DMP1: variants seen among roughly 807,000 people sequenced by gnomAD.
The protein encoded by DMP1 is dentin matrix acidic phosphoprotein 1.
Under a neutral mutation model 14.6 loss-of-function variants are expected in DMP1, and 20 were observed. That is an observed-to-expected ratio of 1.37 (90% CI 0.96 to 1.99). The LOEUF is 1.99. Ranked by LOEUF, DMP1 falls within the 30% of genes most tolerant of loss-of-function variation. The probability of loss-of-function intolerance (pLI) is 0.00; values close to 1 mark genes in which losing one functional copy is unlikely to be tolerated. For synonymous variants in DMP1, 197 were observed against 215.3 expected (o/e 0.91, Z 0.75); for missense variants, 567 against 620.5 (o/e 0.91, Z 0.92).
At chr4:87,655,161 A>G (rs1462148576) in intron 1 of DMP1, among the ~76,000 whole-genome samples, 1 of 152,226 alleles carries the variant, frequency 6.6e-6, no homozygotes, top group Admixed American at 6.5e-5. Flanking sequence ...AAACAAATCG[A>G]CAAACGTGAA....
chr4:87,662,608 A>G lies in DMP1; in HGVS notation c.830A>G (p.Asp277Gly). The G allele has an allele frequency of 6.2e-7, 1 of 1,614,192 alleles. No individual in the cohort carries two copies. The highest frequency in any genetic ancestry group is 8.5e-7 in the Non-Finnish European group (1 of 1,180,040). The change falls in exon 6 of 6, where the codon GAT becomes GGT. Residue 277 changes from aspartate (D) to glycine (G), a missense_variant. By Grantham distance (94) the Asp-to-Gly change is moderately conservative (BLOSUM62 -1). Coordinates refer to ENST00000339673, the MANE Select transcript of DMP1 (RefSeq NM_004407.4). Reference sequence around the variant, plus strand: ...AGGAAGTCTCGCATCTCAGAGGAAGATGACAGAAGCGAGCTTGATGACAAC... The same window carrying G: ...AGGAAGTCTCGCATCTCAGAGGAAGGTGACAGAAGCGAGCTTGATGACAAC... ...IFRKSRISEE[D>G]DRSELDDNNT...
chr4:87,664,190 T>C lies in DMP1; in HGVS notation c.*870T>C, dbSNP rs1330073769. Reference sequence around the variant, plus strand: ...TTTACGTAGATACTTTTTAGCTTTATTTTTTCTAAAATCAGTTTGCGTGCA... The same window carrying C: ...TTTACGTAGATACTTTTTAGCTTTACTTTTTCTAAAATCAGTTTGCGTGCA... On this transcript the variant is annotated 3_prime_UTR_variant, in exon 6 of 6. Transcript: ENST00000339673. The C allele has an allele frequency of 2.6e-5, 4 of 152,576 alleles. No homozygotes were observed. 9.5% of individuals were successfully genotyped at this position (152,576 alleles called of 1,614,324 possible). A position where few individuals can be genotyped will look rare whatever the true frequency, so the allele number is the denominator to read the frequency against.
At chr4:87,660,883 G>A (rs1728841076) in intron 5 of DMP1, 1 of 151,986 alleles carries the variant, frequency 6.6e-6, no homozygotes, top group African/African-American at 2.4e-5. Flanking sequence ...TTATCCTCTG[G>A]TCCTAGTACA....
Position 87,656,545 on chromosome 4 carries a change from CAGTA to C in DMP1, c.54+4_54+7del, listed in dbSNP as rs1728701337. 1 of 1,602,612 alleles carries C rather than the reference CAGTA, an allele frequency of 6.2e-7. No individual in the cohort carries two copies. Among genetic ancestry groups the C allele is most frequent in the Middle Eastern group, 1.7e-4 (1 of 6,050 alleles). Reference sequence around the variant, plus strand: ...CTTTGGGGATTATCCTGTGCTCTCCCAGTAAGTATTAGGGTAGGGATATATGAAA... The same window carrying C: ...CTTTGGGGATTATCCTGTGCTCTCCCAGTATTAGGGTAGGGATATATGAAA... On this transcript the variant is annotated splice_donor_variant and splice_donor_region_variant and coding_sequence_variant and intron_variant, in exon 2 of 6. Coordinates refer to ENST00000339673, the MANE Select transcript of DMP1 (RefSeq NM_004407.4). LOFTEE classifies it high-confidence loss of function.
rs770185609 is a variant in DMP1, at chr4:87,662,724, G to T, written c.946G>T (p.Asp316Tyr). The T allele has an allele frequency of 6.2e-7, 1 of 1,614,134 alleles. No homozygotes were observed. The highest frequency in any genetic ancestry group is 1.1e-5 in the South Asian group (1 of 91,064). The change falls in exon 6 of 6, where the codon GAC becomes TAC. Residue 316 changes from aspartate (D) to tyrosine (Y), a missense_variant. Transcript: ENST00000339673. ...CCAACCCAGGAGAGACAGCAAGGGT[G>T]ACTCTCAAGAAGACAGCAAGGAGAA... The part of the protein sequence containing the change: ...LSQPRRDSKG[D>Y]SQEDSKENLS...
Position 87,662,761 on chromosome 4 carries a change from A to G in DMP1, c.983A>G (p.Glu328Gly). ...QEDSKENLSQEESQNVDGPSS... is the reference protein window; with the variant it reads ...QEDSKENLSQGESQNVDGPSS... The stretch of plus-strand genomic sequence containing the variant: ...GACAGCAAGGAGAATCTGTCCCAGG[A>G]AGAGAGCCAAAACGTAGATGGTCCC... Residue 328 changes from glutamate (E) to glycine (G), a missense_variant, in exon 6 of 6, where the codon GAA (glutamate) becomes GGA (glycine). Coordinates refer to ENST00000339673, the MANE Select transcript of DMP1 (RefSeq NM_004407.4). 6.2e-7 allele frequency: 1 copy of G among 1,613,952 alleles called. No homozygotes were observed.
In DMP1 at chr4:87,662,570, T is replaced by A. The variant is rs779258197; in HGVS notation, c.792T>A (p.Ser264Arg). 4 of 1,613,890 alleles carry A rather than the reference T, an allele frequency of 2.5e-6. No individual in the cohort carries two copies. In the East Asian group the frequency reaches 6.7e-5, roughly 27 times the overall value. ...GCAGCCAATTGCTGGAGCATCCCAG[T>A]AGGAAAATTTTTAGGAAGTCTCGCA... is the stretch of plus-strand genomic sequence containing the variant. ...SGGSQLLEHP[S>R]RKIFRKSRIS... Residue 264 changes from serine to arginine, a missense_variant, in exon 6 of 6, where the codon AGT (serine) becomes AGA (arginine). Coordinates refer to ENST00000339673, the MANE Select transcript of DMP1 (RefSeq NM_004407.4).
chr4:87,650,763 C>T (rs555998584), intron 1 of DMP1, among the ~76,000 whole-genome samples: 148 of 151,732 alleles, frequency 9.8e-4, no homozygotes, highest in South Asian at 2.3e-3. Flanking sequence ...TTGCAACCTA[C>T]AAGATTGTGA....
chr4:87,661,844 C>G (rs1011446499), intron 5 of DMP1, 118 bp from the exon 6 acceptor site: 10 of 1,570,770 alleles, frequency 6.4e-6, no homozygotes, highest in South Asian at 2.3e-5. Context: ...TAAAACTGAC[C>G]GTAGATTAGA....
chr4:87,653,410 T>TAG (rs1728585020), intron 1 of DMP1, among the ~76,000 whole-genome samples: 1 of 116,768 alleles, frequency 8.6e-6, no homozygotes, highest in Non-Finnish European at 1.7e-5. Flanking sequence ...TATATATATA[T>TAG]ATATATATAT....
intron 1 of DMP1, among the ~76,000 whole-genome samples, chr4:87,652,911 G>A (rs1207886158): frequency 7.2e-6 from 1 of 138,616 alleles, no homozygotes; most frequent in Non-Finnish European, 1.6e-5. Context: ...GCATTGAAAG[G>A]GTTATTTTGA....
At chr4:87,657,221 A>T (rs930755192) in intron 3 of DMP1, 142 bp downstream of exon 3, 1 of 589,850 alleles carries the variant, frequency 1.7e-6, no homozygotes, top group Non-Finnish European at 3.0e-6. Context: ...CATAGAAGAA[A>T]ATACTGCTGT....
rs1728930418 is a variant in DMP1 at position 87,662,426 on chromosome 4, G to A, written c.648G>A (p.Gln216=). 6.2e-7 allele frequency: 1 copy of A among 1,614,200 alleles called. No homozygotes were observed. Among genetic ancestry groups the A allele is most frequent in the Non-Finnish European group, 8.5e-7 (1 of 1,180,040 alleles). Reference sequence around the variant, plus strand: ...CCGAGTTGGACGATGAGGGAATGCAGAGTGATGACCCAGAGAGCATCAGGA... The same window carrying A: ...CCGAGTTGGACGATGAGGGAATGCAAAGTGATGACCCAGAGAGCATCAGGA... The part of the protein sequence containing the change: ...DGSELDDEGM[Q]SDDPESIRSE... The change falls in exon 6 of 6, where the codon CAG becomes CAA. Residue 216 remains glutamine (Q), a synonymous_variant. Coordinates refer to ENST00000339673, the MANE Select transcript of DMP1 (RefSeq NM_004407.4).
chr4:87,655,524 C>T (rs542620605), intron 1 of DMP1, among the ~76,000 whole-genome samples: 2 of 151,654 alleles, frequency 1.3e-5, no homozygotes, highest in East Asian at 1.9e-4. Flanking sequence ...TATGACTAAA[C>T]GTGTCACAGT....
At position 87,662,972 on chromosome 4, in the gene DMP1, A is replaced by T; in HGVS notation, c.1194A>T (p.Glu398Asp). The T allele has an allele frequency of 6.2e-7, 1 of 1,614,182 alleles. No homozygotes were observed. The highest frequency in any genetic ancestry group is 8.5e-7 in the Non-Finnish European group (1 of 1,180,030). The change falls in exon 6 of 6, where the codon GAA (glutamate) becomes GAT (aspartate). Residue 398 changes from glutamate to aspartate, a missense_variant. Transcript: ENST00000339673. ...SSHTLSHSKS[E>D]SREEQADSES... ...ACACACTCTCCCACTCAAAAAGTGA[A>T]TCCAGAGAGGAGCAAGCAGACAGCG...
At chr4:87,652,600 C>A (rs568546149) in intron 1 of DMP1, among the ~76,000 whole-genome samples, 2 of 152,280 alleles carry the variant, frequency 1.3e-5, no homozygotes, top group East Asian at 3.9e-4. Context: ...GTTAGGGCAT[C>A]TTTCTTGTGT....
At chr4:87,655,885 T>A (rs929058303) in intron 1 of DMP1, among the ~76,000 whole-genome samples, 1 of 152,222 alleles carries the variant, frequency 6.6e-6, no homozygotes, top group Non-Finnish European at 1.5e-5. Context: ...TCATACTTTA[T>A]GTGTTAGCGT....
rs1457349691 is a variant in DMP1, at chr4:87,663,149, A to G, written c.1371A>G (p.Gln457=). The G allele has an allele frequency of 6.2e-7, 1 of 1,614,224 alleles. No homozygotes were observed. Among genetic ancestry groups the G allele is most frequent in the South Asian group, 1.1e-5 (1 of 91,086 alleles). Residue 457 remains glutamine (Q), a synonymous_variant, in exon 6 of 6, where the codon CAA becomes CAG. Coordinates refer to ENST00000339673, the MANE Select transcript of DMP1 (RefSeq NM_004407.4). The part of the protein sequence containing the change: ...SHSEEDDSDS[Q]DSSRSKEDSN... ...CTGAGGAAGACGACAGTGACTCTCA[A>G]GACAGCAGCAGATCCAAAGAAGATA...
Position 87,663,469 on chromosome 4 carries a change from GT to G in DMP1, c.*154del. The G allele has an allele frequency of 8.6e-7, 1 of 1,166,134 alleles. No homozygotes were observed. Among genetic ancestry groups the G allele is most frequent in the Non-Finnish European group, 1.2e-6 (1 of 809,612 alleles). 72.2% of individuals were successfully genotyped at this position (1,166,134 alleles called of 1,614,324 possible). On this transcript the variant is annotated 3_prime_UTR_variant, in exon 6 of 6. Transcript: ENST00000339673. Reference sequence around the variant, plus strand: ...AAAGGAATTGCTGGACATTACACTTGTTTTTAGGGTGTCATCATTTCACAGA... The same window carrying G: ...AAAGGAATTGCTGGACATTACACTTGTTTTAGGGTGTCATCATTTCACAGA...
Sources: allele counts gnomAD v4.1 joint callset (sites outside exome capture counted in the v4.1 genomes callset), GRCh38; gene constraint gnomAD v4.1.1; transcripts MANE v1.5; gene names NCBI Gene and HGNC (gene_info 2026-07-23, HGNC 2026-07-21).